Variants in COL26A1 observed in about 807,000 individuals in gnomAD.
The protein encoded by COL26A1 is collagen type XXVI alpha 1 chain, also known as collagen alpha-1(XXVI) chain.
Under a neutral mutation model 59.3 loss-of-function variants are expected in COL26A1, and 41 were observed. The ratio of observed to expected loss-of-function variants is 0.69; its 90% CI spans 0.54 to 0.90. COL26A1 has a LOEUF of 0.90. Among genes scored for constraint, COL26A1 ranks in the 40% least tolerant of loss-of-function variants. The pLI is 0.00. For synonymous variants in COL26A1, 266 were observed against 256.0 expected (o/e 1.04, Z -0.37); for missense variants, 612 against 602.3 (o/e 1.02, Z -0.17).
At chr7:101,367,813 A>G (rs12670704) in intron 1 of COL26A1, among the ~76,000 whole-genome samples, 88,197 of 152,044 alleles carry the variant, frequency 0.58, 27,166 homozygotes, top group African/African-American at 0.8. Flanking sequence ...CCTTGATCTT[A>G]GACTTCCCAG....
intron 3 of COL26A1, among the ~76,000 whole-genome samples, chr7:101,475,854 CTCTT>C (rs1794026639): frequency 2.2e-5 from 3 of 136,070 alleles, no homozygotes; most frequent in Admixed American, 7.6e-5. Context: ...CTTTCTCTCT[CTCTT>C]TTTCTCTCTC....
chr7:101,532,759 C>T (rs6967280), intron 3 of COL26A1, among the ~76,000 whole-genome samples: 17,251 of 152,134 alleles, frequency 0.11, 1,196 homozygotes, highest in Middle Eastern at 0.22. Flanking sequence ...TGCTTTGTGC[C>T]AGTCACTGAG....
At chr7:101,382,649 A>G (rs1256492838) in intron 1 of COL26A1, among the ~76,000 whole-genome samples, 1 of 152,136 alleles carries the variant, frequency 6.6e-6, no homozygotes, top group Non-Finnish European at 1.5e-5. Flanking sequence ...TTGTTCTTAT[A>G]CATCTTTTTA....
chr7:101,468,455 G>A (rs1224682681), intron 3 of COL26A1, among the ~76,000 whole-genome samples: 2 of 152,158 alleles, frequency 1.3e-5, no homozygotes, highest in African/African-American at 4.8e-5. Flanking sequence ...TTTCTCTTCT[G>A]GAAATAGGGT....
chr7:101,368,962 A>ATG (rs1025213540), intron 1 of COL26A1, among the ~76,000 whole-genome samples: 4 of 118,080 alleles, frequency 3.4e-5, no homozygotes, highest in East Asian at 2.7e-4. Flanking sequence ...TTGTGTGTGT[A>ATG]TGTGTGTGTG....
intron 2 of COL26A1, among the ~76,000 whole-genome samples, chr7:101,442,762 A>G (rs1793090179): frequency 6.6e-6 from 1 of 152,118 alleles, no homozygotes; most frequent in African/African-American, 2.4e-5. Flanking sequence ...GAATAGGTGC[A>G]TGTGTGTGTA....
At chr7:101,487,486 C>T (rs1358205926) in intron 3 of COL26A1, among the ~76,000 whole-genome samples, 15 of 152,228 alleles carry the variant, frequency 9.9e-5, no homozygotes, top group Admixed American at 7.2e-4. Flanking sequence ...CCCTCTCTCA[C>T]GACATGGCTC....
At chr7:101,465,555 G>T (rs1049322094) in intron 3 of COL26A1, among the ~76,000 whole-genome samples, 1 of 152,134 alleles carries the variant, frequency 6.6e-6, no homozygotes, top group East Asian at 1.9e-4. Flanking sequence ...TCAGTCGGGC[G>T]TGGTGGTGCA....
In COL26A1 at chr7:101,528,972, C is replaced by T. The variant is rs963742396; in HGVS notation, c.386-4110C>T. Among the ~76,000 whole-genome samples the T allele has an allele frequency of 2.0e-5, 3 of 152,200 alleles. No homozygotes were observed. The South Asian group carries it at 6.2e-4, about 32-fold the overall frequency. Reference sequence around the variant, plus strand: ...CTTGAGGTCAGGAGTTCGAGACCAGCCTGGCCAACACAGCGAAACCCTATC... The same window carrying T: ...CTTGAGGTCAGGAGTTCGAGACCAGTCTGGCCAACACAGCGAAACCCTATC... On this transcript the variant is annotated intron_variant, in intron 3 of 12. Coordinates refer to ENST00000313669, the MANE Select transcript of COL26A1 (RefSeq NM_001278563.3).
In COL26A1 at chr7:101,499,896, A is replaced by G. The variant is rs67021742; in HGVS notation, c.386-33186A>G. ...CCCTGCCTTAAAAAAAAAAAAAAAA[A>G]CACCTTTGTTATGGTTTCCTGTGCT... On this transcript the variant is annotated intron_variant, in intron 3 of 12. Coordinates refer to ENST00000313669, the MANE Select transcript of COL26A1 (RefSeq NM_001278563.3). Among the ~76,000 whole-genome samples the G allele has an allele frequency of 7.4e-4, 105 of 141,138 alleles. 2 individuals are homozygous for G. The highest frequency in any genetic ancestry group is 7.9e-4 in the Non-Finnish European group (52 of 66,052). The allele number at this position is 141,138 out of a possible 152,430, so 92.6% of individuals were successfully genotyped here. A position where few individuals can be genotyped will look rare whatever the true frequency, so the allele number is the denominator to read the frequency against.
Position 101,557,880 on chromosome 7 carries a change from A to G in COL26A1, c.*350A>G, listed in dbSNP as rs970544082. On this transcript the variant is annotated 3_prime_UTR_variant, in exon 13 of 13. Transcript: ENST00000313669. ...CAGGGAACTTTCGTTACGTTGTCTCATTATTTAACCCTTAGGAGGTAAGCT... is the reference window on the plus strand; with the variant it reads ...CAGGGAACTTTCGTTACGTTGTCTCGTTATTTAACCCTTAGGAGGTAAGCT... 2.0e-5 allele frequency: 4 copies of G among 197,956 alleles called. No homozygotes were observed. The highest frequency in any genetic ancestry group is 4.1e-5 in the Non-Finnish European group (4 of 97,692). The allele number at this position is 197,956 out of a possible 1,614,324, so 12.3% of individuals were successfully genotyped here. A position where few individuals can be genotyped will look rare whatever the true frequency, so the allele number is the denominator to read the frequency against.
At chr7:101,482,313 C>T (rs1382654506) in intron 3 of COL26A1, among the ~76,000 whole-genome samples, 1 of 152,108 alleles carries the variant, frequency 6.6e-6, no homozygotes, top group African/African-American at 2.4e-5. Flanking sequence ...GCCTGGCCTT[C>T]TTTTTCCTTT....
intron 3 of COL26A1, among the ~76,000 whole-genome samples, chr7:101,520,662 A>ACACCC (rs915256077): frequency 7.0e-6 from 1 of 143,236 alleles, no homozygotes; most frequent in African/African-American, 2.6e-5. Context: ...ACACACACAC[A>ACACCC]CCCCCGTGTT....
chr7:101,500,313 AGC>A (rs927396051), intron 3 of COL26A1, among the ~76,000 whole-genome samples: 25 of 152,306 alleles, frequency 1.6e-4, no homozygotes, highest in African/African-American at 6.0e-4. Context: ...CAAGGCTCAT[AGC>A]TGCCTTTCTC....
intron 3 of COL26A1, among the ~76,000 whole-genome samples, chr7:101,503,541 C>T (rs1158905476): frequency 6.6e-6 from 1 of 152,170 alleles, no homozygotes; most frequent in Non-Finnish European, 1.5e-5. Flanking sequence ...CATCACCACA[C>T]CTGGCTAATG....
chr7:101,382,896 G>T (rs2117032611), intron 1 of COL26A1, among the ~76,000 whole-genome samples: 1 of 152,240 alleles, frequency 6.6e-6, no homozygotes, highest in South Asian at 2.1e-4. Flanking sequence ...ACAAAAGTTA[G>T]CTGGGCGTGG....
intron 3 of COL26A1, among the ~76,000 whole-genome samples, chr7:101,501,331 A>C (rs1011609310): frequency 6.6e-6 from 1 of 151,426 alleles, no homozygotes; most frequent in Non-Finnish European, 1.5e-5. Context: ...ACACGCACAC[A>C]TCCCCATGTC....
chr7:101,376,137 CAAAAAA>C (rs34061057), intron 1 of COL26A1, among the ~76,000 whole-genome samples: 1 of 132,392 alleles, frequency 7.6e-6, no homozygotes. Context: ...CCTGTATCTA[CAAAAAA>C]AAAAAAAAAA....
At chr7:101,533,042 T>C in intron 3 of COL26A1, 40 bp from the exon 4 acceptor site, 2 of 1,507,900 alleles carry the variant, frequency 1.3e-6, no homozygotes, top group Non-Finnish European at 1.8e-6. Context: ...CTTCCTAGGG[T>C]CTACACTCTG....
Sources: gnomAD v4.1 joint callset for allele counts (sites outside exome capture counted in the v4.1 genomes callset) on GRCh38, gnomAD v4.1.1 for gene constraint, MANE v1.5 for transcripts, NCBI Gene and HGNC (gene_info 2026-07-23, HGNC 2026-07-21) for gene names.